The following GNAT3 variants were observed in gnomAD, a reference collection of about 807,000 sequenced individuals.
GNAT3 encodes the protein G protein subunit alpha transducin 3, also known as guanine nucleotide-binding protein G(t) subunit alpha-3.
In GNAT3, 31 loss-of-function variants were observed where a neutral mutation model predicts 37.7. The ratio of observed to expected loss-of-function variants is 0.82; its 90% CI spans 0.62 to 1.11. GNAT3 has a LOEUF of 1.11. Ranked by LOEUF, GNAT3 falls within the 50% of genes most tolerant of loss-of-function variation. The pLI is 0.00. For missense variants in GNAT3, 437 were observed against 412.5 expected (o/e 1.06, Z -0.51); for synonymous variants, 138 against 139.8 (o/e 0.99, Z 0.09).
rs149980768 is a variant in GNAT3 at position 80,460,233 on chromosome 7, G to A, written c.875-1372C>T. Reference sequence around the variant, plus strand: ...AGAAGACAGTAAGAAAATGCTACATGTCATATGATTCCAGTTATATTACAT... The same window carrying A: ...AGAAGACAGTAAGAAAATGCTACATATCATATGATTCCAGTTATATTACAT... On this transcript the variant is annotated intron_variant, in intron 7 of 7. Coordinates refer to ENST00000398291, the MANE Select transcript of GNAT3 (RefSeq NM_001102386.3). Among the ~76,000 whole-genome samples, 1,026 of 152,274 alleles carry A rather than the reference G, an allele frequency of 6.7e-3. 9 individuals are homozygous for A. The highest frequency in any genetic ancestry group is 0.023 in the African/African-American group (967 of 41,560).
chr7:80,462,738 G>T, intron 5 of GNAT3, 107 bp from the exon 6 acceptor site: 1 of 713,368 alleles, frequency 1.4e-6, no homozygotes. Flanking sequence ...TCTTCAAAAG[G>T]TATTCTTTTG....
At position 80,458,842 on chromosome 7, in the gene GNAT3, A is replaced by G; in HGVS notation, c.894T>C (p.Asp298=). The G allele has an allele frequency of 6.3e-7, 1 of 1,585,210 alleles. No homozygotes were observed. Among genetic ancestry groups the G allele is most frequent in the Non-Finnish European group, 8.6e-7 (1 of 1,167,668 alleles). ...ACTGGTTCTTGATGTAGTTTCCTGC[A>G]TCTTCAAATGTATTTGGCCCTTGTT... The part of the protein sequence containing the change: ...PEYTGPNTFE[D]AGNYIKNQFL... The change falls in exon 8 of 8, where the codon GAT becomes GAC. Residue 298 remains aspartate (D), a synonymous_variant. Coordinates refer to ENST00000398291, the MANE Select transcript of GNAT3 (RefSeq NM_001102386.3).
At chr7:80,509,184 A>G (rs1791008853) in intron 1 of GNAT3, among the ~76,000 whole-genome samples, 1 of 152,108 alleles carries the variant, frequency 6.6e-6, no homozygotes, top group South Asian at 2.1e-4. Flanking sequence ...GTCAAATTGA[A>G]TATAAAAATT....
chr7:80,477,867 A>G (rs1215155124), intron 4 of GNAT3, among the ~76,000 whole-genome samples: 1 of 152,216 alleles, frequency 6.6e-6, no homozygotes, highest in Non-Finnish European at 1.5e-5. Context: ...TCTTGCAGGC[A>G]TATAGTAAGG....
chr7:80,461,853 T>C (rs1004184334), intron 7 of GNAT3, among the ~76,000 whole-genome samples: 5 of 152,166 alleles, frequency 3.3e-5, no homozygotes, highest in African/African-American at 1.2e-4. Context: ...TCGAATAAGA[T>C]TTGCATTCCT....
chr7:80,482,284 C>T (rs1452139029), intron 3 of GNAT3, among the ~76,000 whole-genome samples: 1 of 152,122 alleles, frequency 6.6e-6, no homozygotes, highest in Non-Finnish European at 1.5e-5. Context: ...ATGCTCTGGT[C>T]ACTTTCACTA....
intron 3 of GNAT3, among the ~76,000 whole-genome samples, chr7:80,482,230 C>T (rs1196135897): frequency 3.9e-5 from 6 of 152,126 alleles, no homozygotes; most frequent in Non-Finnish European, 7.4e-5. Flanking sequence ...AACCCCATTT[C>T]TCTGTTAAAT....
intron 3 of GNAT3, among the ~76,000 whole-genome samples, chr7:80,482,969 G>C (rs1447192132): frequency 6.6e-6 from 1 of 151,936 alleles, no homozygotes; most frequent in Admixed American, 6.6e-5. Flanking sequence ...TCCTACAAAG[G>C]CAAGTTATCC....
At chr7:80,495,290 C>T (rs1432359128) in intron 1 of GNAT3, among the ~76,000 whole-genome samples, 2 of 152,058 alleles carry the variant, frequency 1.3e-5, no homozygotes, top group East Asian at 1.9e-4. Flanking sequence ...ATTTTTAACT[C>T]GGAGAAATAT....
At chr7:80,473,348 CT>C (rs1790250476) in intron 5 of GNAT3, among the ~76,000 whole-genome samples, 1 of 152,050 alleles carries the variant, frequency 6.6e-6, no homozygotes, top group Non-Finnish European at 1.5e-5. Context: ...ATAACACATA[CT>C]TTAAAATATT....
chr7:80,494,510 T>A, intron 2 of GNAT3, 95 bp downstream of exon 2: 1 of 690,814 alleles, frequency 1.4e-6, no homozygotes. Flanking sequence ...TAGAAAAGAT[T>A]GTCAATCAGC....
chr7:80,459,950 G>A (rs558909589), intron 7 of GNAT3, among the ~76,000 whole-genome samples: 20 of 152,296 alleles, frequency 1.3e-4, no homozygotes, highest in African/African-American at 4.3e-4. Context: ...GCTAAAGATA[G>A]TCTTACCATA....
At chr7:80,497,589 T>TACGTATATACACATACGTATATACAC (rs1562732813) in intron 1 of GNAT3, among the ~76,000 whole-genome samples, 3 of 135,730 alleles carry the variant, frequency 2.2e-5, no homozygotes, top group African/African-American at 9.2e-5. Flanking sequence ...CGTATATACA[T>TACGTATATACACATACGTATATACAC]ATACGTATAT....
intron 3 of GNAT3, among the ~76,000 whole-genome samples, chr7:80,485,932 C>T (rs1468537494): frequency 6.6e-6 from 1 of 152,104 alleles, no homozygotes; most frequent in African/African-American, 2.4e-5. Context: ...CTTATAGACC[C>T]AGTGACTAAT....
chr7:80,501,376 T>C (rs1790831849), intron 1 of GNAT3, among the ~76,000 whole-genome samples: 1 of 152,002 alleles, frequency 6.6e-6, no homozygotes, highest in Non-Finnish European at 1.5e-5. Flanking sequence ...TTTTGCTGAA[T>C]CTTTATTAGA....
At chr7:80,476,520 G>A (rs183755763) in intron 4 of GNAT3, among the ~76,000 whole-genome samples, 50 of 149,990 alleles carry the variant, frequency 3.3e-4, no homozygotes, top group Non-Finnish European at 3.0e-5. Context: ...CTTTCAATTT[G>A]CTAGAACTGA....
intron 1 of GNAT3, among the ~76,000 whole-genome samples, chr7:80,497,600 A>ATACACACACACTGT (rs1562732868): frequency 5.1e-5 from 5 of 98,540 alleles, no homozygotes; most frequent in Admixed American, 2.8e-4. Context: ...ATACGTATAT[A>ATACACACACACTGT]CATATACGTA....
At chr7:80,496,253 C>T (rs903771980) in intron 1 of GNAT3, among the ~76,000 whole-genome samples, 3 of 152,156 alleles carry the variant, frequency 2.0e-5, no homozygotes, top group African/African-American at 7.2e-5. Flanking sequence ...GCCTCAGCCT[C>T]CTGAGTAGCT....
chr7:80,484,336 G>A (rs1039398291), intron 3 of GNAT3, among the ~76,000 whole-genome samples: 1 of 152,066 alleles, frequency 6.6e-6, no homozygotes. Context: ...ATGTTTTGTG[G>A]CTACTCGGTT....
Sources: gnomAD v4.1 joint callset for allele counts (sites outside exome capture counted in the v4.1 genomes callset) on GRCh38, gnomAD v4.1.1 for gene constraint, MANE v1.5 for transcripts, NCBI Gene and HGNC (gene_info 2026-07-23, HGNC 2026-07-21) for gene names.